The following STAC variants were observed in gnomAD, a reference collection of about 807,000 sequenced individuals.
STAC encodes SH3 and cysteine-rich domain-containing protein.
STAC carries 43 observed loss-of-function variants against 48.8 expected under a neutral mutation model. That is an observed-to-expected ratio of 0.88 (90% CI 0.69 to 1.14). The LOEUF is 1.14. Ranked by LOEUF, STAC falls within the 50% of genes most tolerant of loss-of-function variation. The pLI is 0.00. For synonymous variants in STAC, 193 were observed against 179.5 expected (o/e 1.07, Z -0.60); for missense variants, 497 against 504.0 (o/e 0.99, Z 0.13).
intron 2 of STAC, among the ~76,000 whole-genome samples, chr3:36,477,808 G>A (rs573505431): frequency 6.6e-6 from 1 of 152,258 alleles, no homozygotes; most frequent in South Asian, 2.1e-4. Context: ...AATGCCCCGG[G>A]AAGAACTGAT....
At chr3:36,387,688 A>G (rs1025700721) in intron 1 of STAC, among the ~76,000 whole-genome samples, 4 of 152,132 alleles carry the variant, frequency 2.6e-5, no homozygotes. Context: ...TAAGCTGAAT[A>G]ATATCCCATT....
chr3:36,484,294 C>A (rs1442742014), intron 3 of STAC, among the ~76,000 whole-genome samples: 2 of 152,204 alleles, frequency 1.3e-5, no homozygotes, highest in Non-Finnish European at 2.9e-5. Flanking sequence ...TTCTGGAATT[C>A]TAGAAGGGAC....
At chr3:36,414,982 C>T (rs1298603192) in intron 1 of STAC, among the ~76,000 whole-genome samples, 3 of 152,198 alleles carry the variant, frequency 2.0e-5, no homozygotes, top group African/African-American at 7.2e-5. Context: ...TGCAGAACAG[C>T]GAATATTGCT....
intron 1 of STAC, among the ~76,000 whole-genome samples, chr3:36,416,658 T>G (rs1700327397): frequency 6.6e-6 from 1 of 152,174 alleles, no homozygotes; most frequent in Non-Finnish European, 1.5e-5. Flanking sequence ...CCTCTGACAT[T>G]GCCCCTTAAT....
intron 6 of STAC, among the ~76,000 whole-genome samples, chr3:36,501,024 C>A (rs1034387628): frequency 6.6e-6 from 1 of 151,972 alleles, no homozygotes; most frequent in Non-Finnish European, 1.5e-5. Context: ...CCTGGAAGGT[C>A]GAGGCTGCAG....
chr3:36,398,320 C>CAAGAAAGCAAGAAAGAAAGAAAGA lies in STAC; in HGVS notation c.111+17573_111+17574insCAAGAAAGAAAGAAAGAAAGAAAG, dbSNP rs1208055608. ...AAAAGAAAGAAAGAAAGAAAGAAAG[C>CAAGAAAGCAAGAAAGAAAGAAAGA]AAGAAAGAAAGAAAGAAAGAAAGAA... On this transcript the variant is annotated intron_variant, in intron 1 of 10. Coordinates refer to ENST00000273183, the MANE Select transcript of STAC (RefSeq NM_003149.3). Among the ~76,000 whole-genome samples the CAAGAAAGCAAGAAAGAAAGAAAGA allele has an allele frequency of 4.1e-4, 34 of 82,168 alleles. 1 individual carries two copies. Among genetic ancestry groups the CAAGAAAGCAAGAAAGAAAGAAAGA allele is most frequent in the Admixed American group, 5.4e-4 (4 of 7,406 alleles). 53.9% of individuals were successfully genotyped at this position (82,168 alleles called of 152,430 possible).
intron 5 of STAC, among the ~76,000 whole-genome samples, chr3:36,492,226 T>A (rs1256665084): frequency 6.6e-6 from 1 of 151,160 alleles, no homozygotes; most frequent in Non-Finnish European, 1.5e-5. Flanking sequence ...TTGAAGCGTT[T>A]GCCAGTTCCA....
chr3:36,404,926 A>C lies in STAC; in HGVS notation c.111+24172A>C, dbSNP rs190527694. 5.9e-5 allele frequency among the ~76,000 whole-genome samples: 9 copies of C among 152,308 alleles called. No individual in the cohort carries two copies. The East Asian group carries it at 1.5e-3, about 26-fold the overall frequency. The stretch of plus-strand genomic sequence containing the variant: ...ATTATATATTCTTTATTATAAATGC[A>C]TCTATTAGGTTGGTGCAAAAGTAAT... On this transcript the variant is annotated intron_variant, in intron 1 of 10. Transcript: ENST00000273183.
chr3:36,503,409 G>T (rs921160421), intron 6 of STAC, among the ~76,000 whole-genome samples: 1 of 151,888 alleles, frequency 6.6e-6, no homozygotes, highest in African/African-American at 2.4e-5. Context: ...TGCTCATTTT[G>T]TTTATTGTTT....
chr3:36,493,086 G>A (rs2125706691), intron 5 of STAC, 65 bp from the exon 6 acceptor site: 2 of 1,490,972 alleles, frequency 1.3e-6, no homozygotes, highest in Non-Finnish European at 9.3e-7. Context: ...TTACACCAAA[G>A]TATCTGCTCA....
Position 36,546,271 on chromosome 3 carries a change from TGTACTA to T in STAC, c.1193_1198del (p.Val398_Leu399del). 1 of 1,614,032 alleles carries T rather than the reference TGTACTA, an allele frequency of 6.2e-7. No individual in the cohort carries two copies. Among genetic ancestry groups the T allele is most frequent in the Non-Finnish European group, 8.5e-7 (1 of 1,179,908 alleles). On this transcript the variant is annotated inframe_deletion, in exon 11 of 11. Transcript: ENST00000273183. ...AAAAGAAAGGCCTCATCCCCCTTGA[TGTACTA>T]GAAAACATCTGATTGCTGGCTCCTC... is the stretch of plus-strand genomic sequence containing the variant.
chr3:36,448,581 G>C (rs1179211722), intron 2 of STAC, among the ~76,000 whole-genome samples: 1 of 152,130 alleles, frequency 6.6e-6, no homozygotes, highest in Non-Finnish European at 1.5e-5. Flanking sequence ...TAAGGAGATG[G>C]TGACCCAGCA....
intron 1 of STAC, among the ~76,000 whole-genome samples, chr3:36,421,348 A>G (rs933042771): frequency 1.3e-5 from 2 of 152,202 alleles, no homozygotes; most frequent in Non-Finnish European, 2.9e-5. Flanking sequence ...ACCTTTTAAA[A>G]TAACTAACAT....
At chr3:36,413,794 C>T (rs555977578) in intron 1 of STAC, among the ~76,000 whole-genome samples, 3,523 of 152,200 alleles carry the variant, frequency 0.023, 57 homozygotes, top group Non-Finnish European at 0.026. Flanking sequence ...ATTTGGCATG[C>T]TTTTGCAGTG....
intron 2 of STAC, among the ~76,000 whole-genome samples, chr3:36,476,457 G>A (rs754836565): frequency 1.1e-4 from 16 of 152,150 alleles, no homozygotes; most frequent in African/African-American, 2.9e-4. Context: ...CTCAAGAGGC[G>A]TGACCCAGCC....
At chr3:36,520,806 C>A (rs1247222897) in intron 8 of STAC, among the ~76,000 whole-genome samples, 2 of 152,160 alleles carry the variant, frequency 1.3e-5, no homozygotes, top group Non-Finnish European at 2.9e-5. Flanking sequence ...AAATGCCTCT[C>A]TCATTTAGGT....
Position 36,473,526 on chromosome 3 carries a change from C to T in STAC, c.389-9466C>T, listed in dbSNP as rs113031089. 1.6e-3 allele frequency among the ~76,000 whole-genome samples: 242 copies of T among 152,280 alleles called. 1 individual carries two copies. Among genetic ancestry groups the T allele is most frequent in the African/African-American group, 4.2e-3 (173 of 41,538 alleles). ...CCCCTTCATTTTCCCATTTTGTGCT[C>T]ATGACAGCCTTTCTCAGATGCACAG... On this transcript the variant is annotated intron_variant, in intron 2 of 10. Transcript: ENST00000273183.
chr3:36,384,124 C>A lies in STAC; in HGVS notation c.111+3370C>A, dbSNP rs1699568350. On this transcript the variant is annotated intron_variant, in intron 1 of 10. Coordinates refer to ENST00000273183, the MANE Select transcript of STAC (RefSeq NM_003149.3). ...TTATTTTTTAAGGGCTTGACAGAGA[C>A]CATTGAATATAAACAAAAATTTCAT... is the stretch of plus-strand genomic sequence containing the variant. Among the ~76,000 whole-genome samples, 3 of 152,220 alleles carry A rather than the reference C, an allele frequency of 2.0e-5. No individual in the cohort carries two copies. The South Asian group carries it at 6.2e-4, about 32-fold the overall frequency.
At chr3:36,545,647 T>A (rs1295289922) in intron 10 of STAC, among the ~76,000 whole-genome samples, 6 of 152,242 alleles carry the variant, frequency 3.9e-5, no homozygotes, top group Non-Finnish European at 8.8e-5. Context: ...CCAACCCCTT[T>A]TTAAAGTCTA....
Sources: allele counts gnomAD v4.1 joint callset (sites outside exome capture counted in the v4.1 genomes callset), GRCh38; gene constraint gnomAD v4.1.1; transcripts MANE v1.5; gene names NCBI Gene and HGNC (gene_info 2026-07-23, HGNC 2026-07-21).